Variants in FSTL5 observed in about 807,000 individuals in gnomAD.
FSTL5 encodes follistatin like 5, also known as follistatin-related protein 5.
FSTL5 carries 62 observed loss-of-function variants against 89.1 expected under a neutral mutation model. The ratio of observed to expected loss-of-function variants is 0.70; its 90% CI spans 0.57 to 0.86. The LOEUF is 0.86. FSTL5 is among the 40% of genes least tolerant of loss of function. The pLI is 0.00. For synonymous variants in FSTL5, 383 were observed against 346.2 expected (o/e 1.11, Z -1.18); for missense variants, 1,057 against 1,001.6 (o/e 1.06, Z -0.75).
chr4:162,073,345 A>T (rs1282794657), intron 2 of FSTL5, among the ~76,000 whole-genome samples: 1 of 151,752 alleles, frequency 6.6e-6, no homozygotes, highest in Non-Finnish European at 1.5e-5. Context: ...TTTAGGAAAC[A>T]TCTGTTTCTT....
chr4:161,973,833 C>T (rs990238611), intron 3 of FSTL5, among the ~76,000 whole-genome samples: 8 of 152,026 alleles, frequency 5.3e-5, no homozygotes, highest in Non-Finnish European at 1.2e-4. Context: ...TATCTCCCGA[C>T]GACATGATTG....
chr4:161,720,675 A>G (rs2126750497), intron 6 of FSTL5, among the ~76,000 whole-genome samples: 1 of 152,340 alleles, frequency 6.6e-6, no homozygotes. Flanking sequence ...ATGGAATATT[A>G]TTCAGCCCTA....
intron 8 of FSTL5, among the ~76,000 whole-genome samples, chr4:161,551,035 A>G (rs1336949829): frequency 1.3e-5 from 2 of 152,068 alleles, no homozygotes; most frequent in Admixed American, 1.3e-4. Flanking sequence ...ATAATGCCGC[A>G]ATAAACATAT....
rs201676135 is a variant in FSTL5, at chr4:161,472,248, A to AT, written c.1608+8771dup. Among the ~76,000 whole-genome samples the AT allele has an allele frequency of 1.1e-3, 169 of 152,256 alleles. 3 individuals are homozygous for AT. The East Asian group carries it at 0.028, about 25-fold the overall frequency. Reference sequence around the variant, plus strand: ...CGCCTTGGCCTCCCAAAGTGCTGGAATTGCAGGCGTGAGCCACCGCACCTG... The same window carrying AT: ...CGCCTTGGCCTCCCAAAGTGCTGGAATTTGCAGGCGTGAGCCACCGCACCTG... On this transcript the variant is annotated intron_variant, in intron 13 of 15. Coordinates refer to ENST00000306100, the MANE Select transcript of FSTL5 (RefSeq NM_020116.5).
At position 161,684,488 on chromosome 4, in the gene FSTL5, G is replaced by A. The variant is rs150823064; in HGVS notation, c.728-27994C>T. On this transcript the variant is annotated intron_variant, in intron 6 of 15. Transcript: ENST00000306100. ...TGCCGGAGTTAGGTTGAATAGCATT[G>A]TGGTTTTAATTTGCATTTCCCTGAT... Among the ~76,000 whole-genome samples the A allele has an allele frequency of 7.3e-3, 1,109 of 152,278 alleles. 9 individuals carry two copies. The highest frequency in any genetic ancestry group is 0.013 in the Non-Finnish European group (914 of 68,008).
chr4:161,598,367 C>A (rs1734106809), intron 7 of FSTL5, among the ~76,000 whole-genome samples: 1 of 133,794 alleles, frequency 7.5e-6, no homozygotes, highest in Non-Finnish European at 1.6e-5. Flanking sequence ...AGAGTGAGAC[C>A]CTGTCTCAAA....
chr4:161,420,474 CTT>C (rs1731944898), intron 15 of FSTL5, among the ~76,000 whole-genome samples: 1 of 151,996 alleles, frequency 6.6e-6, no homozygotes, highest in South Asian at 2.1e-4. Context: ...TCTTTCCTCT[CTT>C]ATTTCCTTAC....
chr4:161,506,415 T>C (rs1337343904), intron 11 of FSTL5, among the ~76,000 whole-genome samples: 18 of 152,128 alleles, frequency 1.2e-4, no homozygotes, highest in Admixed American at 1.2e-3. Flanking sequence ...TTTGAAGTAG[T>C]AATTTTTTTA....
At chr4:161,424,513 T>A (rs542761697) in intron 15 of FSTL5, among the ~76,000 whole-genome samples, 13 of 129,108 alleles carry the variant, frequency 1.0e-4, no homozygotes, top group Admixed American at 3.5e-4. Context: ...AGCTTACATC[T>A]CCTTTTCCTC....
At chr4:161,976,554 T>C (rs1373811157) in intron 3 of FSTL5, among the ~76,000 whole-genome samples, 2 of 152,142 alleles carry the variant, frequency 1.3e-5, no homozygotes, top group East Asian at 3.9e-4. Context: ...CCATCTCGGC[T>C]CACTGCAAGC....
chr4:161,571,192 T>C (rs533756420), intron 8 of FSTL5, among the ~76,000 whole-genome samples: 1 of 151,970 alleles, frequency 6.6e-6, no homozygotes, highest in Non-Finnish European at 1.5e-5. Flanking sequence ...ATGGATTATG[T>C]TAAGGCACAG....
intron 4 of FSTL5, among the ~76,000 whole-genome samples, chr4:161,833,836 A>C (rs1162470208): frequency 6.6e-6 from 1 of 151,804 alleles, no homozygotes; most frequent in East Asian, 2.0e-4. Context: ...TCTTTATCCA[A>C]TTTGCCAGTC....
intron 7 of FSTL5, among the ~76,000 whole-genome samples, chr4:161,615,768 A>T (rs17041254): frequency 0.019 from 2,830 of 152,214 alleles, 48 homozygotes; most frequent in South Asian, 0.048. Flanking sequence ...TAAAATAAAC[A>T]TTAGAACGAA....
chr4:161,454,081 T>C (rs1024382373), intron 15 of FSTL5, among the ~76,000 whole-genome samples: 1 of 152,228 alleles, frequency 6.6e-6, no homozygotes, highest in Non-Finnish European at 1.5e-5. Context: ...TTTTGCAAAG[T>C]TGAATTATGC....
At chr4:162,106,850 G>A (rs1050010298) in intron 2 of FSTL5, among the ~76,000 whole-genome samples, 2 of 152,136 alleles carry the variant, frequency 1.3e-5, no homozygotes, top group Non-Finnish European at 2.9e-5. Context: ...CTAATTGTTA[G>A]GACATTTTAC....
chr4:161,891,298 C>T (rs1366381060), intron 4 of FSTL5, among the ~76,000 whole-genome samples: 2 of 151,962 alleles, frequency 1.3e-5, no homozygotes, highest in Admixed American at 6.6e-5. Context: ...CTTACTTTTG[C>T]TATTGTTCTT....
At chr4:161,695,545 T>C (rs1207210302) in intron 6 of FSTL5, among the ~76,000 whole-genome samples, 9 of 151,976 alleles carry the variant, frequency 5.9e-5, no homozygotes, top group Non-Finnish European at 1.3e-4. Flanking sequence ...GTTGGTTCCA[T>C]GTTTTTGCAA....
At chr4:161,874,254 T>C (rs529961548) in intron 4 of FSTL5, among the ~76,000 whole-genome samples, 104 of 152,188 alleles carry the variant, frequency 6.8e-4, no homozygotes, top group Non-Finnish European at 1.1e-3. Context: ...TTAGCTCTCT[T>C]AAGGCTTTTT....
At chr4:161,400,495 T>A (rs970133308) in intron 15 of FSTL5, among the ~76,000 whole-genome samples, 1 of 152,032 alleles carries the variant, frequency 6.6e-6, no homozygotes, top group Non-Finnish European at 1.5e-5. Flanking sequence ...TTCAAGGAAG[T>A]ACGGAGCAAG....
Sources: gnomAD v4.1 joint callset for allele counts (sites outside exome capture counted in the v4.1 genomes callset) on GRCh38, gnomAD v4.1.1 for gene constraint, MANE v1.5 for transcripts, NCBI Gene and HGNC (gene_info 2026-07-23, HGNC 2026-07-21) for gene names.